ZDBF2: variants seen among roughly 807,000 people sequenced by gnomAD.
ZDBF2 encodes zinc finger DBF-type containing 2, also known as DBF4-type zinc finger-containing protein 2.
Under a neutral mutation model 9.4 loss-of-function variants are expected in ZDBF2, and 6 were observed. The ratio of observed to expected loss-of-function variants is 0.64; its 90% confidence interval spans 0.35 to 1.27. The LOEUF is 1.27. ZDBF2 is among the 50% of genes most tolerant of loss of function. The probability of loss-of-function intolerance (pLI) is 0.03; values close to 1 mark genes in which losing one functional copy is unlikely to be tolerated. For missense variants in ZDBF2, 2,697 were observed against 2,766.8 expected, an observed-to-expected ratio of 0.97 and a Z score of 0.57; for synonymous variants, 905 against 946.3, an observed-to-expected ratio of 0.96 and a Z score of 0.80.
At chr2:206,302,058 G>GGAGTGCA (rs1256618313) in intron 4 of ZDBF2, among the ~76,000 whole-genome samples, 1 of 151,890 alleles carries the variant, frequency 6.6e-6, no homozygotes, top group Non-Finnish European at 1.5e-5. Context: ...GGCCCAGGCT[G>GGAGTGCA]GAGTGCAGGG....
In ZDBF2 at chr2:206,311,108, G is replaced by T. The variant is rs1312844367; in HGVS notation, c.6580G>T (p.Val2194Phe). 8 of 1,613,612 alleles carry T rather than the reference G, an allele frequency of 5.0e-6. No individual in the cohort carries two copies. The South Asian group carries it at 6.6e-5, about 13-fold the overall frequency. ...SSNKLGFPKKVYKPIILQQKP... is the reference protein window; with the variant it reads ...SSNKLGFPKKFYKPIILQQKP... ...TAATAAGCTAGGTTTTCCCAAAAAGGTTTATAAACCAATTATTCTCCAGCA... is the reference window on the plus strand; with the variant it reads ...TAATAAGCTAGGTTTTCCCAAAAAGTTTTATAAACCAATTATTCTCCAGCA... The change falls in exon 5 of 5, where the codon GTT (valine) becomes TTT (phenylalanine). Residue 2194 changes from valine to phenylalanine, a missense_variant. This residue lies in a region of ZDBF2 where 1,783 missense variants were observed against 1,776.5 expected (regional missense o/e 1.00). Coordinates refer to ENST00000374423, the MANE Select transcript of ZDBF2 (RefSeq NM_020923.3).
chr2:206,307,399 T>C lies in ZDBF2; in HGVS notation c.2871T>C (p.Ser957=), dbSNP rs1161427485. 1.6e-5 allele frequency: 26 copies of C among 1,612,872 alleles called. No individual in the cohort carries two copies. The highest frequency in any genetic ancestry group is 1.9e-5 in the Non-Finnish European group (23 of 1,179,638). Residue 957 remains serine, a synonymous_variant, in exon 5 of 5, where the codon AGT becomes AGC. Transcript: ENST00000374423. The part of the protein sequence containing the change: ...YLENKSVFET[S]LDSDVPLQAA... The stretch of plus-strand genomic sequence containing the variant: ...AAAATAAGAGTGTTTTTGAAACAAG[T>C]TTGGATTCTGATGTCCCTCTTCAGG...
rs200984813 is a variant in ZDBF2, at chr2:206,305,012, T to G, written c.484T>G (p.Cys162Gly). The change falls in exon 5 of 5, where the codon TGT (cysteine) becomes GGT (glycine). Residue 162 changes from cysteine to glycine, a missense_variant. Transcript: ENST00000374423. ...TAAAATTGGGGCCAGTGTGAGAAAA[T>G]GTAACCTAGTAGATATTGGTCAGGC... ...VHKIGASVRK[C>G]NLVDIGQATN... is the part of the protein sequence containing the mutation. The G allele has an allele frequency of 9.3e-6, 15 of 1,613,632 alleles. No individual in the cohort carries two copies. In the Middle Eastern group the frequency reaches 9.9e-4, roughly 106 times the overall value.
At chr2:206,285,267 A>G (rs1691540667) in intron 3 of ZDBF2, among the ~76,000 whole-genome samples, 2 of 152,172 alleles carry the variant, frequency 1.3e-5, no homozygotes, top group Non-Finnish European at 1.5e-5. Flanking sequence ...ATTCCCACCA[A>G]CAGTGTGTAA....
intron 3 of ZDBF2, among the ~76,000 whole-genome samples, chr2:206,288,092 T>A (rs1691692178): frequency 6.6e-6 from 1 of 152,252 alleles, no homozygotes; most frequent in African/African-American, 2.4e-5. Context: ...GGAAGTTATG[T>A]TCCTTTGGTG....
intron 2 of ZDBF2, among the ~76,000 whole-genome samples, chr2:206,281,002 G>A (rs1458208202): frequency 2.6e-5 from 4 of 152,104 alleles, no homozygotes; most frequent in Non-Finnish European, 5.9e-5. Flanking sequence ...CATTGTGTCA[G>A]TTAATACATT....
rs890460934 is a variant in ZDBF2, at chr2:206,312,407, A to G, written c.*814A>G. 1.3e-5 allele frequency: 2 copies of G among 151,536 alleles called. No individual in the cohort carries two copies. The allele number at this position is 151,536 out of a possible 1,614,324, so 9.4% of individuals were successfully genotyped here. A position where few individuals can be genotyped will look rare whatever the true frequency, so the allele number is the denominator to read the frequency against. Reference sequence around the variant, plus strand: ...CATTACCATATCAGTTTTTATTTTTATGTTTATTTATTATTATTATTTTTT... The same window carrying G: ...CATTACCATATCAGTTTTTATTTTTGTGTTTATTTATTATTATTATTTTTT... On this transcript the variant is annotated 3_prime_UTR_variant, in exon 5 of 5. Transcript: ENST00000374423.
Position 206,306,861 on chromosome 2 carries a change from T to G in ZDBF2, c.2333T>G (p.Leu778Arg). The change falls in exon 5 of 5, where the codon CTG (leucine) becomes CGG (arginine). Residue 778 changes from leucine (L) to arginine (R), a missense_variant. By Grantham distance (102) the Leu-to-Arg change is moderately radical (BLOSUM62 -2). Coordinates refer to ENST00000374423, the MANE Select transcript of ZDBF2 (RefSeq NM_020923.3). ...GAAGGAAAAGAACGGCACATTGACC[T>G]GGAAGATGAGAGCTGTGAGTCAGAT... ...DAEGKERHID[L>R]EDESCESDSS... 6.2e-7 allele frequency: 1 copy of G among 1,613,890 alleles called. No individual in the cohort carries two copies.
rs1424515247 is a variant in ZDBF2 at position 206,307,899 on chromosome 2, T to C, written c.3371T>C (p.Val1124Ala). ...TTAATACATCATCCTGATGTTTCTG[T>C]CCAATCTGTGGCTGATCAACCCAAA... ...YKLIHHPDVS[V>A]QSVADQPKVA... Residue 1124 changes from valine to alanine, a missense_variant, in exon 5 of 5, where the codon GTC (valine) becomes GCC (alanine). This residue lies in a region of ZDBF2 where 1,783 missense variants were observed against 1,776.5 expected (regional missense o/e 1.00). Coordinates refer to ENST00000374423, the MANE Select transcript of ZDBF2 (RefSeq NM_020923.3). The C allele has an allele frequency of 3.1e-6, 5 of 1,613,586 alleles. No individual in the cohort carries two copies. In the African/African-American group the frequency reaches 6.7e-5, roughly 22 times the overall value.
chr2:206,291,143 G>A (rs780313129), intron 3 of ZDBF2, among the ~76,000 whole-genome samples: 1 of 152,152 alleles, frequency 6.6e-6, no homozygotes, highest in Non-Finnish European at 1.5e-5. Context: ...AGACTAGGTA[G>A]CTTAAATCAG....
intron 3 of ZDBF2, among the ~76,000 whole-genome samples, chr2:206,294,562 A>C (rs1182640404): frequency 2.0e-5 from 3 of 152,112 alleles, no homozygotes; most frequent in African/African-American, 7.2e-5. Flanking sequence ...TGTGATGCTG[A>C]GGTTTGGGGT....
In ZDBF2 at chr2:206,305,028, T is replaced by C. The variant is rs754881427; in HGVS notation, c.500T>C (p.Ile167Thr). ...GTGAGAAAATGTAACCTAGTAGATA[T>C]TGGTCAGGCTACAAATAATAGAAGC... ...ASVRKCNLVD[I>T]GQATNNRSNL... The change falls in exon 5 of 5, where the codon ATT becomes ACT. Residue 167 changes from isoleucine to threonine, a missense_variant. This residue lies in a region of ZDBF2 where 910 missense variants were observed against 973.6 expected (regional missense o/e 0.93). Coordinates refer to ENST00000374423, the MANE Select transcript of ZDBF2 (RefSeq NM_020923.3). The C allele has an allele frequency of 1.9e-6, 3 of 1,613,624 alleles. No homozygotes were observed. The highest frequency in any genetic ancestry group is 2.5e-6 in the Non-Finnish European group (3 of 1,179,802).
rs748356379 is a variant in ZDBF2, at chr2:206,310,494, C to T, written c.5966C>T (p.Thr1989Ile). The change falls in exon 5 of 5, where the codon ACA becomes ATA. Residue 1989 changes from threonine to isoleucine, a missense_variant. Around this residue, in one of 3 missense-constraint regions of ZDBF2, gnomAD observed 1,783 missense variants for 1,776.5 expected, o/e 1.00. Transcript: ENST00000374423. Reference sequence around the variant, plus strand: ...ACCAAAAAGAAAGTCAAAATTGGGACAGTTGAATTTCCTGCATCATGTACT... The same window carrying T: ...ACCAAAAAGAAAGTCAAAATTGGGATAGTTGAATTTCCTGCATCATGTACT... ...RKTKKKVKIG[T>I]VEFPASCTKV... 7 of 1,613,404 alleles carry T rather than the reference C, an allele frequency of 4.3e-6. No individual in the cohort carries two copies. Among genetic ancestry groups the T allele is most frequent in the Admixed American group, 1.7e-5 (1 of 59,874 alleles).
rs1384089692 is a variant in ZDBF2, at chr2:206,281,927, A to G, written c.60+18A>G. The G allele has an allele frequency of 6.2e-7, 1 of 1,603,834 alleles. No individual in the cohort carries two copies. The highest frequency in any genetic ancestry group is 8.5e-7 in the Non-Finnish European group (1 of 1,174,436). ...TGGAACAGGTGAGCGGTTTCTATTA[A>G]TATGATAATATCTCAAAGGACCTAG... On this transcript the variant is annotated intron_variant, in intron 3 of 4. Coordinates refer to ENST00000374423, the MANE Select transcript of ZDBF2 (RefSeq NM_020923.3).
chr2:206,298,472 A>C (rs145651054), intron 4 of ZDBF2, among the ~76,000 whole-genome samples: 1,831 of 152,342 alleles, frequency 0.012, 21 homozygotes, highest in Non-Finnish European at 0.019. Flanking sequence ...GCTGGTGGGA[A>C]GATAGAATTA....
Position 206,307,502 on chromosome 2 carries a change from A to G in ZDBF2, c.2974A>G (p.Ser992Gly), listed in dbSNP as rs888771757. 2 of 1,613,590 alleles carry G rather than the reference A, an allele frequency of 1.2e-6. No individual in the cohort carries two copies. Among genetic ancestry groups the G allele is most frequent in the African/African-American group, 1.3e-5 (1 of 74,928 alleles). ...AAAGCACGCTGAATTCCAAGGTAGA[A>G]GTACTGAATTCAGTGGTTCAAAAAC... ...REKHAEFQGR[S>G]TEFSGSKTSL... The change falls in exon 5 of 5, where the codon AGT (serine) becomes GGT (glycine). Residue 992 changes from serine to glycine, a missense_variant. Transcript: ENST00000374423.
In ZDBF2 at chr2:206,311,281, G is replaced by T. The variant is rs962007862; in HGVS notation, c.6753G>T (p.Lys2251Asn). 1 of 1,608,664 alleles carries T rather than the reference G, an allele frequency of 6.2e-7. No individual in the cohort carries two copies. Among genetic ancestry groups the T allele is most frequent in the African/African-American group, 1.3e-5 (1 of 74,886 alleles). ...CTTTTCTTGGAAGGTATCTGAAGAA[G>T]AAAAAATCTGTTGTCAGTAGGCTAA... is the stretch of plus-strand genomic sequence containing the variant. ...RSAFLGRYLK[K>N]KKSVVSRLKK... Residue 2251 changes from lysine to asparagine, a missense_variant, in exon 5 of 5, where the codon AAG becomes AAT. By Grantham distance (94) the Lys-to-Asn change is moderately conservative (BLOSUM62 0). Transcript: ENST00000374423.
chr2:206,310,335 A>G lies in ZDBF2; in HGVS notation c.5807A>G (p.Gln1936Arg). 1 of 1,613,968 alleles carries G rather than the reference A, an allele frequency of 6.2e-7. No individual in the cohort carries two copies. The highest frequency in any genetic ancestry group is 8.5e-7 in the Non-Finnish European group (1 of 1,179,886). ...AAGCAAAAGGGGCGTGTGGCTTCTC[A>G]ATGCCAGACAGCGAAAATCAGCCAT... ...PPKQKGRVAS[Q>R]CQTAKISHST... is the part of the protein sequence containing the mutation. The change falls in exon 5 of 5, where the codon CAA becomes CGA. Residue 1936 changes from glutamine to arginine, a missense_variant. Physicochemically the swap from Gln to Arg is conservative, Grantham distance 43 (BLOSUM62 1). Transcript: ENST00000374423.
chr2:206,294,026 A>G (rs1384426951), intron 3 of ZDBF2, among the ~76,000 whole-genome samples: 1 of 152,206 alleles, frequency 6.6e-6, no homozygotes, highest in East Asian at 1.9e-4. Context: ...AATAAATAAG[A>G]TATGGCATAT....
Sources: gnomAD v4.1 joint callset for allele counts (sites outside exome capture counted in the v4.1 genomes callset) on GRCh38, gnomAD v4.1.1 for gene constraint, gnomAD v4.1.1 regional missense constraint, MANE v1.5 for transcripts, NCBI Gene and HGNC (gene_info 2026-07-23, HGNC 2026-07-21) for gene names.